Variants in CLEC4C observed in about 807,000 individuals in gnomAD.
CLEC4C encodes the protein C-type (calcium dependent, carbohydrate-recognition domain) lectin, superfamily member 11.
CLEC4C carries 17 observed loss-of-function variants against 27.7 expected under a neutral mutation model. That is an observed-to-expected ratio of 0.61 (90% CI 0.42 to 0.92). The LOEUF is 0.92. Among genes scored for constraint, CLEC4C ranks in the 40% least tolerant of loss-of-function variants. The probability of loss-of-function intolerance (pLI) is 0.00; values close to 1 mark genes in which losing one functional copy is unlikely to be tolerated. For synonymous variants in CLEC4C, 80 were observed against 80.8 expected (o/e 0.99, Z 0.06); for missense variants, 244 against 257.3 (o/e 0.95, Z 0.35).
upstream of CLEC4C, chr12:7,747,630 G>GTAT: frequency 8.0e-6 from 1 of 125,570 alleles, no homozygotes; most frequent in Non-Finnish European, 1.6e-5. Flanking sequence ...AGGTCTGATT[G>GTAT]TCTTTTTTTT....
At chr12:7,742,635 C>G (rs1359912954) in intron 2 of CLEC4C, among the ~76,000 whole-genome samples, 1 of 151,490 alleles carries the variant, frequency 6.6e-6, no homozygotes, top group Non-Finnish European at 1.5e-5. Flanking sequence ...ATGGTGAAAC[C>G]CCATCTCTAC....
intron 2 of CLEC4C, among the ~76,000 whole-genome samples, chr12:7,744,399 A>ACT (rs1864926794): frequency 4.6e-5 from 7 of 152,204 alleles, no homozygotes; most frequent in Admixed American, 2.6e-4. Context: ...TACTTGACAT[A>ACT]GGAAGTCATC....
upstream of CLEC4C, chr12:7,747,565 T>A: frequency 2.7e-6 from 1 of 370,416 alleles, no homozygotes; most frequent in Non-Finnish European, 4.9e-6. Flanking sequence ...TGTTCAGAAA[T>A]AAGGAAACAC....
intron 4 of CLEC4C, among the ~76,000 whole-genome samples, chr12:7,732,261 C>A (rs1012914948): frequency 2.0e-5 from 3 of 152,082 alleles, no homozygotes; most frequent in East Asian, 1.9e-4. Flanking sequence ...AACTCGTGAC[C>A]TCAGTTGATT....
In CLEC4C at chr12:7,745,452, A is replaced by G. The variant is rs528924920; in HGVS notation, c.124+879T>C. Among the ~76,000 whole-genome samples, 29 of 8,016 alleles carry G rather than the reference A, an allele frequency of 3.6e-3. 1 individual carries two copies. The highest frequency in any genetic ancestry group is 0.062 in the Middle Eastern group (1 of 16). 5.3% of individuals were successfully genotyped at this position (8,016 alleles called of 152,430 possible). On this transcript the variant is annotated intron_variant, in intron 2 of 5. Transcript: ENST00000360345. ...TTTTTTTTTTTTTTTTTTTTTTTTG[A>G]GACAGAGTCTCACTCTGTCACCCAG... is the stretch of plus-strand genomic sequence containing the variant.
chr12:7,735,506 G>GAAAA (rs74982387), intron 4 of CLEC4C, among the ~76,000 whole-genome samples: 7 of 80,414 alleles, frequency 8.7e-5, no homozygotes, highest in Non-Finnish European at 1.4e-4. Flanking sequence ...CTGTCTCAAA[G>GAAAA]AAAAAAAAAA....
chr12:7,738,778 C>T (rs1174648586), intron 3 of CLEC4C, among the ~76,000 whole-genome samples: 2 of 152,170 alleles, frequency 1.3e-5, no homozygotes, highest in African/African-American at 4.8e-5. Context: ...GCTGGAATTA[C>T]AGGCATGAGC....
intron 2 of CLEC4C, among the ~76,000 whole-genome samples, chr12:7,741,909 T>C (rs1206825949): frequency 6.6e-6 from 1 of 151,996 alleles, no homozygotes; most frequent in Admixed American, 6.6e-5. Context: ...TAATCCGAGC[T>C]ACTTGGGAGG....
chr12:7,737,338 C>G, intron 4 of CLEC4C, 91 bp downstream of exon 4: 167 of 562,440 alleles, frequency 3.0e-4, no homozygotes, highest in Middle Eastern at 6.9e-4. Context: ...TTTTTTTTTT[C>G]CTGTCTTTGA....
intron 2 of CLEC4C, 37 bp from the exon 3 acceptor site, chr12:7,741,568 T>A: frequency 1.8e-6 from 2 of 1,095,508 alleles, no homozygotes; most frequent in Non-Finnish European, 2.8e-6. Context: ...CTCATTCTTT[T>A]AAGTGGATCT....
At chr12:7,733,273 T>C (rs978387852) in intron 4 of CLEC4C, among the ~76,000 whole-genome samples, 3 of 151,720 alleles carry the variant, frequency 2.0e-5, no homozygotes, top group African/African-American at 7.3e-5. Context: ...AAATTTTTTT[T>C]TTTTTTTGGA....
Position 7,729,409 on chromosome 12 carries a change from T to C in CLEC4C, c.*187A>G, listed in dbSNP as rs1864536013. 1 of 165,270 alleles carries C rather than the reference T, an allele frequency of 6.1e-6. No homozygotes were observed. The highest frequency in any genetic ancestry group is 6.1e-5 in the African/African-American group (1 of 16,442). 10.2% of individuals were successfully genotyped at this position (165,270 alleles called of 1,614,324 possible). A position where few individuals can be genotyped will look rare whatever the true frequency, so the allele number is the denominator to read the frequency against. Reference sequence around the variant, plus strand: ...GTTCACTAAACACTCATTTTATGAATGAATAAATGAATAAATGAATAAATG... The same window carrying C: ...GTTCACTAAACACTCATTTTATGAACGAATAAATGAATAAATGAATAAATG... On this transcript the variant is annotated 3_prime_UTR_variant, in exon 6 of 6. Coordinates refer to ENST00000360345, the MANE Select transcript of CLEC4C (RefSeq NM_001371390.1).
chr12:7,736,532 T>G (rs1317357095), intron 4 of CLEC4C, among the ~76,000 whole-genome samples: 9 of 152,212 alleles, frequency 5.9e-5, no homozygotes, highest in Non-Finnish European at 1.3e-4. Context: ...ATTTTTTTTC[T>G]TATATTTTTA....
At chr12:7,748,440 T>C (rs879626248), upstream of CLEC4C, among the ~76,000 whole-genome samples, 4 of 151,836 alleles carry the variant, frequency 2.6e-5, no homozygotes, top group Non-Finnish European at 4.4e-5. Flanking sequence ...GCAGGAAAAT[T>C]GCTTGAACCC....
chr12:7,738,665 AT>A (rs769328027), intron 3 of CLEC4C, among the ~76,000 whole-genome samples: 1 of 151,372 alleles, frequency 6.6e-6, no homozygotes, highest in Admixed American at 6.6e-5. Flanking sequence ...CACCCAGCTA[AT>A]TTTTTTTGTA....
Position 7,739,320 on chromosome 12 carries a change from C to T in CLEC4C, c.236-1746G>A, listed in dbSNP as rs754089810. On this transcript the variant is annotated intron_variant, in intron 3 of 5. Coordinates refer to ENST00000360345, the MANE Select transcript of CLEC4C (RefSeq NM_001371390.1). ...TAGAGACGGGGTTTCACCATGTTGG[C>T]CAGGATAGTCTCAATCTCTTGACCT... Among the ~76,000 whole-genome samples the T allele has an allele frequency of 2.0e-5, 3 of 152,070 alleles. No individual in the cohort carries two copies. In the East Asian group the frequency reaches 5.8e-4, roughly 30 times the overall value.
chr12:7,731,631 A>G (rs1176887039), intron 4 of CLEC4C, among the ~76,000 whole-genome samples: 1 of 152,194 alleles, frequency 6.6e-6, no homozygotes, highest in Non-Finnish European at 1.5e-5. Flanking sequence ...CCTCTGGCTG[A>G]GCAGGGCTGG....
At chr12:7,747,600 G>T, upstream of CLEC4C, 1 of 269,744 alleles carries the variant, frequency 3.7e-6, no homozygotes, top group Non-Finnish European at 7.0e-6. Context: ...AGAAATACAT[G>T]AAAAACAGTT....
intron 3 of CLEC4C, among the ~76,000 whole-genome samples, chr12:7,739,655 A>T (rs1864809626): frequency 6.6e-6 from 1 of 151,828 alleles, no homozygotes; most frequent in Admixed American, 6.6e-5. Context: ...TGATTTTACC[A>T]TCAATAAAGC....
Sources: gnomAD v4.1 joint callset for allele counts (sites outside exome capture counted in the v4.1 genomes callset) on GRCh38, gnomAD v4.1.1 for gene constraint, MANE v1.5 for transcripts, NCBI Gene and HGNC (gene_info 2026-07-23, HGNC 2026-07-21) for gene names.